The following PIKFYVE variants were observed in gnomAD, a reference collection of about 807,000 sequenced individuals.
PIKFYVE encodes the protein 1-phosphatidylinositol 3-phosphate 5-kinase.
In PIKFYVE, 122 loss-of-function variants were observed where a neutral mutation model predicts 257.9. That is an observed-to-expected ratio of 0.47 (90% CI 0.41 to 0.55). PIKFYVE has a LOEUF of 0.55. PIKFYVE is among the 20% of genes least tolerant of loss of function. The pLI is 0.00. For synonymous variants in PIKFYVE, 892 were observed against 868.9 expected (o/e 1.03, Z -0.47); for missense variants, 2,160 against 2,536.6 (o/e 0.85, Z 3.19).
intron 17 of PIKFYVE, among the ~76,000 whole-genome samples, chr2:208,323,238 C>T (rs1696503675): frequency 6.7e-6 from 1 of 149,250 alleles, no homozygotes; most frequent in African/African-American, 2.5e-5. Flanking sequence ...TTAGGTATAT[C>T]TCCTAATGCT....
chr2:208,283,268 G>A (rs967040673), intron 5 of PIKFYVE, among the ~76,000 whole-genome samples: 5 of 152,192 alleles, frequency 3.3e-5, no homozygotes, highest in African/African-American at 1.2e-4. Flanking sequence ...ATCTGCATCT[G>A]TCATGCAGCT....
rs764965849 is a variant in PIKFYVE at position 208,354,056 on chromosome 2, G to T, written c.6003G>T (p.Ser2001=). 6.2e-7 allele frequency: 1 copy of T among 1,613,990 alleles called. No individual in the cohort carries two copies. Among genetic ancestry groups the T allele is most frequent in the Admixed American group, 1.7e-5 (1 of 60,010 alleles). ...ATTCCAAAGCTGTGCTGAGAACCTCGATCCATAGTGACTCCCATTTCCTTT... is the reference window on the plus strand; with the variant it reads ...ATTCCAAAGCTGTGCTGAGAACCTCTATCCATAGTGACTCCCATTTCCTTT... ...RSHSKAVLRT[S]IHSDSHFLSS... is the part of the protein sequence containing the mutation. The change falls in exon 40 of 42, where the codon TCG becomes TCT. Residue 2001 remains serine (S), a synonymous_variant. Transcript: ENST00000264380.
At chr2:208,346,728 C>G (rs1449986324) in intron 34 of PIKFYVE, among the ~76,000 whole-genome samples, 2 of 152,202 alleles carry the variant, frequency 1.3e-5, no homozygotes, top group Non-Finnish European at 2.9e-5. Context: ...AAACAAATGA[C>G]AGCTTATTTT....
At position 208,317,873 on chromosome 2, in the gene PIKFYVE, G is replaced by A; in HGVS notation, c.2014G>A (p.Gly672Ser). 6.2e-7 allele frequency: 1 copy of A among 1,612,526 alleles called. No homozygotes were observed. The highest frequency in any genetic ancestry group is 1.6e-4 in the Middle Eastern group (1 of 6,062). ...RQFVHIKKIP[G>S]GKKFDSVVVN... The stretch of plus-strand genomic sequence containing the variant: ...TTCTTAATTGTTCCATTAGATCCCA[G>A]GTGGAAAGAAGTTTGATTCTGTGGT... Residue 672 changes from glycine (G) to serine (S), a missense_variant, in exon 16 of 42, where the codon GGT (glycine) becomes AGT (serine). Gly to Ser is a moderately conservative substitution (Grantham distance 56). Coordinates refer to ENST00000264380, the MANE Select transcript of PIKFYVE (RefSeq NM_015040.4).
chr2:208,310,021 A>G (rs1004003959), intron 12 of PIKFYVE, among the ~76,000 whole-genome samples: 18 of 152,330 alleles, frequency 1.2e-4, no homozygotes, highest in African/African-American at 4.1e-4. Context: ...AAAGTCTCTT[A>G]ATAAATATTA....
intron 20 of PIKFYVE, 70 bp downstream of exon 20, chr2:208,326,499 A>T (rs958311016): frequency 6.6e-7 from 1 of 1,515,152 alleles, no homozygotes. Flanking sequence ...AAGGCAGGCT[A>T]AAAAAATCAG....
chr2:208,305,220 G>A, intron 12 of PIKFYVE: 1 of 1,457,046 alleles, frequency 6.9e-7, no homozygotes, highest in Admixed American at 2.2e-5. Context: ...TTCTCCCTCA[G>A]CACCACCATG....
At chr2:208,312,946 G>A (rs1033609130) in intron 13 of PIKFYVE, among the ~76,000 whole-genome samples, 11 of 152,218 alleles carry the variant, frequency 7.2e-5, no homozygotes, top group Non-Finnish European at 1.6e-4. Context: ...GGTACAAGGA[G>A]CCACTGCAGC....
At chr2:208,296,740 G>T (rs187398223) in intron 7 of PIKFYVE, among the ~76,000 whole-genome samples, 171 of 152,220 alleles carry the variant, frequency 1.1e-3, no homozygotes, top group African/African-American at 4.0e-3. Context: ...AACCAGGAGG[G>T]TATTTATCTT....
At chr2:208,354,464 A>G (rs1235673812) in intron 40 of PIKFYVE, 107 bp from the exon 41 acceptor site, 16 of 1,092,104 alleles carry the variant, frequency 1.5e-5, no homozygotes, top group African/African-American at 6.3e-5. Context: ...TTAGCACTCA[A>G]TAAAAGTTAA....
intron 5 of PIKFYVE, among the ~76,000 whole-genome samples, chr2:208,283,560 G>C (rs969530242): frequency 1.3e-5 from 2 of 152,150 alleles, no homozygotes; most frequent in Admixed American, 1.3e-4. Flanking sequence ...TCTTTCTGCA[G>C]GGAGTAATTT....
intron 15 of PIKFYVE, among the ~76,000 whole-genome samples, chr2:208,316,456 A>T (rs1695528814): frequency 6.6e-6 from 1 of 151,830 alleles, no homozygotes; most frequent in Non-Finnish European, 1.5e-5. Flanking sequence ...CACCACACTG[A>T]CTTCCACAAT....
intron 5 of PIKFYVE, among the ~76,000 whole-genome samples, chr2:208,281,184 A>G (rs930163961): frequency 1.3e-5 from 2 of 152,134 alleles, no homozygotes; most frequent in African/African-American, 4.8e-5. Context: ...TAACATTTCA[A>G]TCTCCCCTAA....
At chr2:208,337,964 C>G (rs1312085250) in intron 28 of PIKFYVE, among the ~76,000 whole-genome samples, 1 of 151,998 alleles carries the variant, frequency 6.6e-6, no homozygotes, top group African/African-American at 2.4e-5. Context: ...CTCAGGTGAT[C>G]CATCCACCTT....
rs1698373950 is a variant in PIKFYVE at position 208,338,379 on chromosome 2, G to A, written c.4612-129G>A. ...AAAGCTAATTAAAAATATTAAGGGG[G>A]TTTTTAGTAATTTTTTAACGGTATA... On this transcript the variant is annotated intron_variant, in intron 28 of 41. Coordinates refer to ENST00000264380, the MANE Select transcript of PIKFYVE (RefSeq NM_015040.4). 11 of 678,852 alleles carry A rather than the reference G, an allele frequency of 1.6e-5. No homozygotes were observed. In the South Asian group the frequency reaches 2.0e-4, roughly 12 times the overall value. The allele number at this position is 678,852 out of a possible 1,614,324, so 42.1% of individuals were successfully genotyped here. A position where few individuals can be genotyped will look rare whatever the true frequency, so the allele number is the denominator to read the frequency against.
At chr2:208,312,542 A>G (rs544991466) in intron 13 of PIKFYVE, among the ~76,000 whole-genome samples, 2 of 152,344 alleles carry the variant, frequency 1.3e-5, no homozygotes, top group South Asian at 4.1e-4. Flanking sequence ...AAAACTTTTA[A>G]GTAGAATTTG....
chr2:208,293,082 C>CTTTTTTTTTTTTTTTTTTTTTTT (rs60283252), intron 7 of PIKFYVE, among the ~76,000 whole-genome samples: 1 of 137,606 alleles, frequency 7.3e-6, no homozygotes. Flanking sequence ...GAGTTACATT[C>CTTTTTTTTTTTTTTTTTTTTTTT]TTTTTTTTTT....
intron 1 of PIKFYVE, among the ~76,000 whole-genome samples, chr2:208,270,436 C>A (rs1292100608): frequency 6.6e-6 from 1 of 152,148 alleles, no homozygotes; most frequent in Non-Finnish European, 1.5e-5. Flanking sequence ...CTGTAACTTC[C>A]ATCTGGTGAT....
In PIKFYVE at chr2:208,330,450, A is replaced by G. The variant is rs1052194213; in HGVS notation, c.3792-73A>G. Reference sequence around the variant, plus strand: ...ACCTTGTGCAGATTGTTCACTAGTCATGCTGCACTTTGACAGTGGTTCTGA... The same window carrying G: ...ACCTTGTGCAGATTGTTCACTAGTCGTGCTGCACTTTGACAGTGGTTCTGA... On this transcript the variant is annotated intron_variant, in intron 22 of 41. Coordinates refer to ENST00000264380, the MANE Select transcript of PIKFYVE (RefSeq NM_015040.4). 135 of 1,571,352 alleles carry G rather than the reference A, an allele frequency of 8.6e-5. No individual in the cohort carries two copies. In the Middle Eastern group the frequency reaches 1.2e-3, roughly 14 times the overall value.
Sources: gnomAD v4.1 joint callset for allele counts (sites outside exome capture counted in the v4.1 genomes callset) on GRCh38, gnomAD v4.1.1 for gene constraint, MANE v1.5 for transcripts, NCBI Gene and HGNC (gene_info 2026-07-23, HGNC 2026-07-21) for gene names.